The following DCC variants were observed in gnomAD, a reference collection of about 807,000 sequenced individuals.
DCC encodes DCC netrin 1 receptor.
Under a neutral mutation model 172.5 loss-of-function variants are expected in DCC, and 58 were observed. The ratio of observed to expected loss-of-function variants is 0.34; its 90% CI spans 0.27 to 0.42. The LOEUF is 0.42. Ranked by LOEUF, DCC falls within the 10% of genes least tolerant of loss-of-function variation. The pLI is 1.00. For missense variants in DCC, 1,740 were observed against 1,791.0 expected, an observed-to-expected ratio of 0.97 and a Z score of 0.51; for synonymous variants, 709 against 644.5, an observed-to-expected ratio of 1.10 and a Z score of -1.52.
chr18:52,824,148 A>G (rs1164277242), intron 2 of DCC, among the ~76,000 whole-genome samples: 1 of 152,224 alleles, frequency 6.6e-6, no homozygotes, highest in African/African-American at 2.4e-5. Context: ...CGACACACGG[A>G]AAAGTGGGTC....
intron 5 of DCC, among the ~76,000 whole-genome samples, chr18:53,058,495 T>C (rs1250003914): frequency 2.6e-5 from 4 of 152,124 alleles, no homozygotes; most frequent in Non-Finnish European, 5.9e-5. Flanking sequence ...GTTGAGAATA[T>C]AGGACTCCAG....
intron 7 of DCC, among the ~76,000 whole-genome samples, chr18:53,085,344 AT>A (rs544300537): frequency 6.0e-5 from 9 of 150,746 alleles, no homozygotes; most frequent in Admixed American, 1.3e-4. Flanking sequence ...CTAGTCAGGG[AT>A]TTTTTTTTTC....
At chr18:52,923,310 A>G (rs2040153060) in intron 3 of DCC, among the ~76,000 whole-genome samples, 2 of 152,182 alleles carry the variant, frequency 1.3e-5, no homozygotes, top group Admixed American at 1.3e-4. Flanking sequence ...AAGCCACAGA[A>G]GCAATAAACA....
chr18:52,679,747 A>G (rs16955352), intron 1 of DCC, among the ~76,000 whole-genome samples: 34,817 of 152,024 alleles, frequency 0.23, 4,713 homozygotes, highest in South Asian at 0.4. Flanking sequence ...CTTGGTTATT[A>G]CCACAAAATT....
At chr18:53,046,607 A>G (rs957358700) in intron 5 of DCC, among the ~76,000 whole-genome samples, 3 of 151,960 alleles carry the variant, frequency 2.0e-5, no homozygotes, top group African/African-American at 7.2e-5. Flanking sequence ...GGAAAGTGTT[A>G]AAAAGTTGGG....
intron 27 of DCC, among the ~76,000 whole-genome samples, chr18:53,501,336 G>A (rs1464395675): frequency 1.3e-5 from 2 of 152,160 alleles, no homozygotes; most frequent in African/African-American, 2.4e-5. Flanking sequence ...TACATAGCAA[G>A]TAAGTAATGC....
chr18:53,307,725 A>G (rs1319380944), intron 13 of DCC, among the ~76,000 whole-genome samples: 5 of 151,340 alleles, frequency 3.3e-5, no homozygotes, highest in South Asian at 2.1e-4. Context: ...GCAAATAGAG[A>G]AATGCAAATT....
At position 52,404,105 on chromosome 18, in the gene DCC, C is replaced by T. The variant is rs537948543; in HGVS notation, c.91+63227C>T. On this transcript the variant is annotated intron_variant, in intron 1 of 28. Coordinates refer to ENST00000442544, the MANE Select transcript of DCC (RefSeq NM_005215.4). The stretch of plus-strand genomic sequence containing the variant: ...ACTTTGAGGGGTAGGAGGTGGGATT[C>T]CTAAAGACAGCGGTACAATGATACA... 2.0e-5 allele frequency among the ~76,000 whole-genome samples: 3 copies of T among 151,998 alleles called. No homozygotes were observed. The East Asian group carries it at 5.8e-4, about 30-fold the overall frequency.
chr18:53,419,415 T>G (rs867264698), intron 21 of DCC, among the ~76,000 whole-genome samples: 4 of 152,256 alleles, frequency 2.6e-5, no homozygotes, highest in African/African-American at 9.6e-5. Context: ...TACCCATTAA[T>G]CATCTTCACC....
At chr18:52,600,342 C>CT (rs2033991858) in intron 1 of DCC, among the ~76,000 whole-genome samples, 1 of 152,104 alleles carries the variant, frequency 6.6e-6, no homozygotes, top group Admixed American at 6.6e-5. Context: ...ATTTTGGATG[C>CT]TTTTTTCCTA....
intron 7 of DCC, among the ~76,000 whole-genome samples, chr18:53,077,812 T>C (rs1027399097): frequency 5.9e-5 from 9 of 152,164 alleles, no homozygotes; most frequent in Non-Finnish European, 1.3e-4. Flanking sequence ...ATATTTCAGG[T>C]TTATTTGAGT....
chr18:52,881,586 G>A (rs1238918419), intron 2 of DCC, among the ~76,000 whole-genome samples: 5 of 151,658 alleles, frequency 3.3e-5, no homozygotes, highest in Admixed American at 6.6e-5. Context: ...TCCCACCACC[G>A]TTCATTGTTG....
At chr18:52,610,207 AT>A (rs2034243663) in intron 1 of DCC, among the ~76,000 whole-genome samples, 3 of 80,596 alleles carry the variant, frequency 3.7e-5, no homozygotes, top group East Asian at 3.2e-4. Context: ...ATATATATAT[AT>A]ATATATATAT....
chr18:53,031,240 C>G (rs1231938290), intron 5 of DCC, among the ~76,000 whole-genome samples: 1 of 152,156 alleles, frequency 6.6e-6, no homozygotes, highest in Admixed American at 6.5e-5. Context: ...GCCTAGGCAA[C>G]AGAGCAAAAC....
At chr18:53,087,989 T>A (rs2042941426) in intron 7 of DCC, among the ~76,000 whole-genome samples, 1 of 152,210 alleles carries the variant, frequency 6.6e-6, no homozygotes, top group Non-Finnish European at 1.5e-5. Context: ...AGTACCATGC[T>A]GTTTTGGTTA....
intron 1 of DCC, among the ~76,000 whole-genome samples, chr18:52,653,767 G>A (rs1225572250): frequency 3.3e-5 from 5 of 152,098 alleles, no homozygotes; most frequent in Non-Finnish European, 5.9e-5. Context: ...ACTCTTATTA[G>A]ACAAAGGGTG....
intron 12 of DCC, among the ~76,000 whole-genome samples, chr18:53,252,980 G>C (rs2056457373): frequency 1.3e-5 from 2 of 151,838 alleles, no homozygotes; most frequent in Non-Finnish European, 2.9e-5. Context: ...TGATATAATA[G>C]GATTAGCACT....
chr18:53,208,123 TA>T (rs2055684415), intron 11 of DCC, among the ~76,000 whole-genome samples: 1 of 149,274 alleles, frequency 6.7e-6, no homozygotes. Flanking sequence ...TTTTTTTTTT[TA>T]ATTAACTGGA....
intron 11 of DCC, among the ~76,000 whole-genome samples, chr18:53,209,298 T>G (rs1327687528): frequency 6.6e-6 from 1 of 152,122 alleles, no homozygotes; most frequent in Non-Finnish European, 1.5e-5. Flanking sequence ...ATAAAATACA[T>G]CAAAGTATAT....
Sources: allele counts gnomAD v4.1 joint callset (sites outside exome capture counted in the v4.1 genomes callset), GRCh38; gene constraint gnomAD v4.1.1; transcripts MANE v1.5; gene names NCBI Gene and HGNC (gene_info 2026-07-23, HGNC 2026-07-21).